LIN52: variants seen among roughly 807,000 people sequenced by gnomAD.
The protein encoded by LIN52 is protein lin-52 homolog.
In LIN52, 4 loss-of-function variants were observed where a neutral mutation model predicts 18.5. That is an observed-to-expected ratio of 0.22 (90% CI 0.11 to 0.49). LIN52 has a LOEUF of 0.49. Ranked by LOEUF, LIN52 falls within the 20% of genes least tolerant of loss-of-function variation. The pLI is 0.97. For missense variants in LIN52, 102 were observed against 139.5 expected (o/e 0.73, Z 1.35); for synonymous variants, 34 against 45.5 (o/e 0.75, Z 1.02).
At position 74,187,595 on chromosome 14, in the gene LIN52, C is replaced by T. The variant is rs540920782; in HGVS notation, c.284-11327C>T. ...TGATGGTTCTACTTTTAAAATACCA[C>T]AGCAAAAATATCTTACAGGTATTTC... On this transcript the variant is annotated intron_variant, in intron 5 of 5. Transcript: ENST00000555028. 2.6e-5 allele frequency among the ~76,000 whole-genome samples: 4 copies of T among 152,278 alleles called. No individual in the cohort carries two copies. The East Asian group carries it at 5.8e-4, about 22-fold the overall frequency.
intron 5 of LIN52, among the ~76,000 whole-genome samples, chr14:74,129,379 G>A (rs2061047789): frequency 6.6e-6 from 1 of 152,128 alleles, no homozygotes; most frequent in Non-Finnish European, 1.5e-5. Context: ...TTTCTGAGAG[G>A]GTTTGAAGGC....
Position 74,097,832 on chromosome 14 carries a change from A to G in LIN52, c.171A>G (p.Ile57Met). 1 of 1,613,324 alleles carries G rather than the reference A, an allele frequency of 6.2e-7. No individual in the cohort carries two copies. Among genetic ancestry groups the G allele is most frequent in the Non-Finnish European group, 8.5e-7 (1 of 1,179,262 alleles). The part of the protein sequence containing the change: ...TSSPPKWMAE[I>M]ERDDIDMLKE... ...CTCCACCCAAATGGATGGCTGAGAT[A>G]GAACGTGATGACATCGACATGTTGA... Residue 57 changes from isoleucine (I) to methionine (M), a missense_variant, in exon 4 of 6, where the codon ATA (isoleucine) becomes ATG (methionine). Coordinates refer to ENST00000555028, the MANE Select transcript of LIN52 (RefSeq NM_001024674.3).
intron 5 of LIN52, among the ~76,000 whole-genome samples, chr14:74,184,272 G>T (rs556175563): frequency 5.6e-4 from 86 of 152,284 alleles, no homozygotes; most frequent in African/African-American, 1.9e-3. Context: ...GTGGAGATGG[G>T]ATTTCTCCAT....
At chr14:74,110,948 A>G (rs925778018) in intron 5 of LIN52, among the ~76,000 whole-genome samples, 16 of 152,088 alleles carry the variant, frequency 1.1e-4, no homozygotes, top group Middle Eastern at 3.4e-3. Flanking sequence ...CCTGGGTGAC[A>G]GAGCGAGACT....
rs563786293 is a variant in LIN52 at position 74,105,861 on chromosome 14, T to C, written c.283+4623T>C. ...GTCACTTCCCAAGAGCATTGTTAAA[T>C]GTTAGTATAAAAATTATATGAACCT... is the stretch of plus-strand genomic sequence containing the variant. On this transcript the variant is annotated intron_variant, in intron 5 of 5. Transcript: ENST00000555028. Among the ~76,000 whole-genome samples, 3 of 152,380 alleles carry C rather than the reference T, an allele frequency of 2.0e-5. No individual in the cohort carries two copies. The South Asian group carries it at 6.2e-4, about 32-fold the overall frequency.
chr14:74,179,382 G>A (rs1381005240), intron 5 of LIN52, among the ~76,000 whole-genome samples: 1 of 152,074 alleles, frequency 6.6e-6, no homozygotes, highest in Non-Finnish European at 1.5e-5. Flanking sequence ...TCTTTGGGCC[G>A]GGCATGGTGA....
chr14:74,095,735 G>GC (rs1412272120), intron 2 of LIN52, among the ~76,000 whole-genome samples: 4 of 152,190 alleles, frequency 2.6e-5, no homozygotes, highest in Admixed American at 1.3e-4. Context: ...AGCTTTTTAT[G>GC]CCCCCTGGGT....
At chr14:74,103,759 TTTTTTTTTTTA>T in intron 5 of LIN52, among the ~76,000 whole-genome samples, 1 of 113,754 alleles carries the variant, frequency 8.8e-6, no homozygotes, top group African/African-American at 3.3e-5. Context: ...TTTTTTTTTT[TTTTTTTTTTTA>T]AGAGACTGGG....
chr14:74,193,766 A>AGCCACATTACCT (rs1228555984), intron 5 of LIN52, among the ~76,000 whole-genome samples: 76 of 152,218 alleles, frequency 5.0e-4, no homozygotes, highest in South Asian at 6.2e-4. Flanking sequence ...GCCCAGGGTC[A>AGCCACATTACCT]ATGTAAGAGC....
intron 5 of LIN52, among the ~76,000 whole-genome samples, chr14:74,181,774 G>A (rs2061319778): frequency 6.6e-6 from 1 of 151,966 alleles, no homozygotes. Flanking sequence ...CAAATATTCT[G>A]AAAAAACAGA....
At chr14:74,178,112 T>C (rs902786301) in intron 5 of LIN52, among the ~76,000 whole-genome samples, 1 of 152,172 alleles carries the variant, frequency 6.6e-6, no homozygotes, top group African/African-American at 2.4e-5. Context: ...TCATAGATTT[T>C]TGTTTCGTTT....
At chr14:74,196,986 A>G (rs1466881368) in intron 5 of LIN52, among the ~76,000 whole-genome samples, 1 of 152,222 alleles carries the variant, frequency 6.6e-6, no homozygotes, top group Admixed American at 6.5e-5. Flanking sequence ...CCTATGGGCA[A>G]GACAGTACTT....
intron 5 of LIN52, among the ~76,000 whole-genome samples, chr14:74,180,861 T>C (rs937867694): frequency 6.6e-6 from 1 of 151,934 alleles, no homozygotes; most frequent in Non-Finnish European, 1.5e-5. Flanking sequence ...GTAATATCGG[T>C]ACTTTGGGAG....
intron 2 of LIN52, among the ~76,000 whole-genome samples, chr14:74,095,272 C>G (rs1027193410): frequency 2.7e-5 from 4 of 148,904 alleles, no homozygotes; most frequent in Non-Finnish European, 3.0e-5. Context: ...GTAGCTAGGA[C>G]TACAGGGGCA....
intron 5 of LIN52, among the ~76,000 whole-genome samples, chr14:74,165,201 T>G (rs1348888505): frequency 6.6e-6 from 1 of 152,180 alleles, no homozygotes; most frequent in Non-Finnish European, 1.5e-5. Context: ...TAAGTTACCA[T>G]GTATAACCCT....
chr14:74,097,894 A>G lies in LIN52; in HGVS notation c.199+34A>G, dbSNP rs1384146868. On this transcript the variant is annotated intron_variant, in intron 4 of 5. Coordinates refer to ENST00000555028, the MANE Select transcript of LIN52 (RefSeq NM_001024674.3). Reference sequence around the variant, plus strand: ...TGCTAGTTACCACTTTTAACTGGATATTTATGTTTTTCCATAGACCACCTC... The same window carrying G: ...TGCTAGTTACCACTTTTAACTGGATGTTTATGTTTTTCCATAGACCACCTC... 16 of 1,514,940 alleles carry G rather than the reference A, an allele frequency of 1.1e-5. No homozygotes were observed. The East Asian group carries it at 3.2e-4, about 30-fold the overall frequency. The allele number at this position is 1,514,940 out of a possible 1,614,324, so 93.8% of individuals were successfully genotyped here.
chr14:74,157,637 AT>A (rs1021646286), intron 5 of LIN52, among the ~76,000 whole-genome samples: 6 of 147,692 alleles, frequency 4.1e-5, no homozygotes, highest in African/African-American at 1.0e-4. Flanking sequence ...ATTTTTTGAT[AT>A]TTTTTTTTTC....
intron 5 of LIN52, among the ~76,000 whole-genome samples, chr14:74,175,816 A>G (rs1217511271): frequency 6.6e-6 from 1 of 151,260 alleles, no homozygotes; most frequent in Admixed American, 6.6e-5. Context: ...AGATTTTTCT[A>G]TCTTTAAAAT....
intron 5 of LIN52, among the ~76,000 whole-genome samples, chr14:74,119,647 G>T (rs2060987108): frequency 6.6e-6 from 1 of 152,056 alleles, no homozygotes. Flanking sequence ...TGTATTCTCA[G>T]TCTTTTAACT....
Sources: allele counts gnomAD v4.1 joint callset (sites outside exome capture counted in the v4.1 genomes callset), GRCh38; gene constraint gnomAD v4.1.1; transcripts MANE v1.5; gene names NCBI Gene and HGNC (gene_info 2026-07-23, HGNC 2026-07-21).